Variants in GNA12 observed in about 807,000 individuals in gnomAD.
GNA12 encodes guanine nucleotide-binding protein subunit alpha-12.
Under a neutral mutation model 26.0 loss-of-function variants are expected in GNA12, and 9 were observed. That is an observed-to-expected ratio of 0.35 (90% CI 0.21 to 0.60). The LOEUF (loss-of-function observed/expected upper bound fraction) is 0.60. Among genes scored for constraint, GNA12 ranks in the 20% least tolerant of loss-of-function variants. GNA12 has a pLI of 0.78. For synonymous variants in GNA12, 264 were observed against 219.6 expected (o/e 1.20, Z -1.79); for missense variants, 405 against 525.8 (o/e 0.77, Z 2.25).
chr7:2,807,090 G>A (rs552839445), intron 1 of GNA12, among the ~76,000 whole-genome samples: 1 of 151,880 alleles, frequency 6.6e-6, no homozygotes, highest in Non-Finnish European at 1.5e-5. Flanking sequence ...CACGAAAATT[G>A]TCCTCCAATA....
intron 2 of GNA12, among the ~76,000 whole-genome samples, chr7:2,738,725 TAAA>T (rs1351661396): frequency 6.6e-6 from 1 of 152,026 alleles, no homozygotes; most frequent in African/African-American, 2.4e-5. Context: ...AAAAATTAAA[TAAA>T]AAACCAACCC....
chr7:2,746,339 C>T (rs1175976404), intron 2 of GNA12, among the ~76,000 whole-genome samples: 1 of 152,186 alleles, frequency 6.6e-6, no homozygotes, highest in East Asian at 1.9e-4. Context: ...GACCACAGTG[C>T]AATCAAACTA....
At chr7:2,791,905 G>C (rs573167239) in intron 2 of GNA12, among the ~76,000 whole-genome samples, 2 of 152,172 alleles carry the variant, frequency 1.3e-5, no homozygotes, top group South Asian at 2.1e-4. Context: ...TAAAGTATAG[G>C]AATAACAGTC....
chr7:2,768,658 T>A (rs1791868818), intron 2 of GNA12, among the ~76,000 whole-genome samples: 1 of 139,592 alleles, frequency 7.2e-6, no homozygotes, highest in Non-Finnish European at 1.5e-5. Flanking sequence ...GTGAATATGC[T>A]CTCAAGGTAA....
chr7:2,731,086 A>AC lies in GNA12; in HGVS notation c.*94dup, dbSNP rs1166541112. On this transcript the variant is annotated 3_prime_UTR_variant, in exon 4 of 4. Coordinates refer to ENST00000275364, the MANE Select transcript of GNA12 (RefSeq NM_007353.3). This position sits in a 1 kb window ranked among gnomAD's most constrained non-coding sequence, Gnocchi z 6.0. ...GTATTCCAGGGCACGGATCCGAGAA[A>AC]CCCACTCAAGGACCACACAGACAAC... 6.2e-6 allele frequency: 5 copies of AC among 810,276 alleles called. No individual in the cohort carries two copies. Among genetic ancestry groups the AC allele is most frequent in the Non-Finnish European group, 9.9e-6 (5 of 505,746 alleles). 50.2% of individuals were successfully genotyped at this position (810,276 alleles called of 1,614,324 possible).
intron 1 of GNA12, among the ~76,000 whole-genome samples, chr7:2,828,995 C>A (rs1181755180): frequency 1.3e-5 from 2 of 151,890 alleles, no homozygotes; most frequent in Non-Finnish European, 2.9e-5. Context: ...ATGGCTTGGG[C>A]CCAGGAGGTG....
chr7:2,821,110 A>C (rs1341529857), intron 1 of GNA12, among the ~76,000 whole-genome samples: 1 of 152,250 alleles, frequency 6.6e-6, no homozygotes, highest in African/African-American at 2.4e-5. Context: ...AATGTTGTCT[A>C]GGTGAAAGAT....
chr7:2,730,401 C>A lies in GNA12; in HGVS notation c.*780G>T, dbSNP rs765734782. ...ACGGAGCGGCAGTCACCGTGGGCATCCTGTCTCACTCCGTGTTGTGCTGCT... is the reference window on the plus strand; with the variant it reads ...ACGGAGCGGCAGTCACCGTGGGCATACTGTCTCACTCCGTGTTGTGCTGCT... On this transcript the variant is annotated 3_prime_UTR_variant, in exon 4 of 4. Coordinates refer to ENST00000275364, the MANE Select transcript of GNA12 (RefSeq NM_007353.3). 1 of 152,520 alleles carries A rather than the reference C, an allele frequency of 6.6e-6. No homozygotes were observed. The highest frequency in any genetic ancestry group is 2.4e-5 in the African/African-American group (1 of 41,426). 9.4% of individuals were successfully genotyped at this position (152,520 alleles called of 1,614,324 possible). A position where few individuals can be genotyped will look rare whatever the true frequency, so the allele number is the denominator to read the frequency against.
At chr7:2,765,875 G>GCCCCCCCCC (rs71026552) in intron 2 of GNA12, among the ~76,000 whole-genome samples, 15 of 147,812 alleles carry the variant, frequency 1.0e-4, no homozygotes, top group Admixed American at 1.3e-4. Flanking sequence ...GTGATCCAGG[G>GCCCCCCCCC]CCCCCCTCCC....
intron 2 of GNA12, among the ~76,000 whole-genome samples, chr7:2,735,756 G>A (rs546013366): frequency 1.3e-5 from 2 of 152,270 alleles, no homozygotes; most frequent in African/African-American, 4.8e-5. Flanking sequence ...CATGAGTGGC[G>A]GAGGAGAGGA....
chr7:2,795,205 G>T, intron 1 of GNA12, 62 bp from the exon 2 acceptor site: 1 of 1,281,728 alleles, frequency 7.8e-7, no homozygotes. Flanking sequence ...CCACGCTAGA[G>T]AAGCTCAAAA....
intron 1 of GNA12, among the ~76,000 whole-genome samples, chr7:2,811,724 A>G (rs905319172): frequency 2.0e-5 from 3 of 152,098 alleles, no homozygotes; most frequent in African/African-American, 7.2e-5. Flanking sequence ...GTCCAGTTTC[A>G]CCCACAGCTG....
At chr7:2,754,540 C>T (rs1791198425) in intron 2 of GNA12, among the ~76,000 whole-genome samples, 2 of 150,888 alleles carry the variant, frequency 1.3e-5, no homozygotes, top group East Asian at 1.9e-4. Context: ...CTTAGGGGCT[C>T]GAAACCAACC....
chr7:2,816,159 A>G (rs1793213245), intron 1 of GNA12, among the ~76,000 whole-genome samples: 2 of 152,222 alleles, frequency 1.3e-5, no homozygotes, highest in South Asian at 4.1e-4. Context: ...AATTATGGTA[A>G]GTAATGTGAC....
chr7:2,773,955 G>C lies in GNA12; in HGVS notation c.525+20973C>G, dbSNP rs557311352. ...CAGCAACAAGGAAGAACGTGCCGCA[G>C]AATTGGAAGAACCGCACAAAACGAA... On this transcript the variant is annotated intron_variant, in intron 2 of 3. Transcript: ENST00000275364. 2.0e-5 allele frequency among the ~76,000 whole-genome samples: 3 copies of C among 152,332 alleles called. No individual in the cohort carries two copies. The East Asian group carries it at 5.8e-4, about 29-fold the overall frequency.
At chr7:2,786,955 T>A (rs914783283) in intron 2 of GNA12, among the ~76,000 whole-genome samples, 1 of 152,176 alleles carries the variant, frequency 6.6e-6, no homozygotes, top group Non-Finnish European at 1.5e-5. Flanking sequence ...AGACACCAGA[T>A]GCCACTGTGA....
At chr7:2,777,380 G>C (rs773236514) in intron 2 of GNA12, among the ~76,000 whole-genome samples, 4 of 152,230 alleles carry the variant, frequency 2.6e-5, no homozygotes, top group Non-Finnish European at 5.9e-5. Context: ...AAAGGGCGAA[G>C]CTATATGTTT....
chr7:2,791,857 A>C (rs1008845131), intron 2 of GNA12, among the ~76,000 whole-genome samples: 1 of 152,188 alleles, frequency 6.6e-6, no homozygotes, highest in African/African-American at 2.4e-5. Context: ...AAAATGCTCC[A>C]TCATTTTTTT....
chr7:2,804,543 G>T (rs1175279128), intron 1 of GNA12, among the ~76,000 whole-genome samples: 1 of 152,196 alleles, frequency 6.6e-6, no homozygotes, highest in Non-Finnish European at 1.5e-5. Flanking sequence ...AGTGTCAAAA[G>T]TCCAAACAGT....
Sources: gnomAD v4.1 joint callset for allele counts (sites outside exome capture counted in the v4.1 genomes callset) on GRCh38, gnomAD v4.1.1 for gene constraint, Gnocchi (gnomAD v3.1) non-coding constraint, MANE v1.5 for transcripts, NCBI Gene and HGNC (gene_info 2026-07-23, HGNC 2026-07-21) for gene names.